MTMR6: variants seen among roughly 807,000 people sequenced by gnomAD.
The protein encoded by MTMR6 is phosphatidylinositol-3,5-bisphosphate 3-phosphatase MTMR6.
MTMR6 carries 47 observed loss-of-function variants against 80.1 expected under a neutral mutation model. That is an observed-to-expected ratio of 0.59 (90% CI 0.46 to 0.75). The LOEUF is 0.75. Ranked by LOEUF, MTMR6 falls within the 30% of genes least tolerant of loss-of-function variation. The pLI, the probability that MTMR6 is intolerant of heterozygous loss-of-function variation, is 0.00. For synonymous variants in MTMR6, 254 were observed against 253.0 expected (o/e 1.00, Z -0.04); for missense variants, 629 against 730.9 (o/e 0.86, Z 1.61).
chr13:25,268,403 C>T (rs142077781), intron 2 of MTMR6, among the ~76,000 whole-genome samples: 9 of 152,286 alleles, frequency 5.9e-5, no homozygotes, highest in African/African-American at 1.7e-4. Flanking sequence ...GTCCCTCTCC[C>T]GATCACTGAC....
intron 5 of MTMR6, among the ~76,000 whole-genome samples, chr13:25,264,225 A>C (rs1957400914): frequency 6.6e-6 from 1 of 151,752 alleles, no homozygotes; most frequent in South Asian, 2.1e-4. Context: ...TCTAAGACAC[A>C]GACTGGAGAT....
At chr13:25,281,930 T>C (rs1287110764) in intron 1 of MTMR6, among the ~76,000 whole-genome samples, 3 of 152,128 alleles carry the variant, frequency 2.0e-5, no homozygotes, top group African/African-American at 7.2e-5. Context: ...GTGGGCACTT[T>C]TCAGTTTTTT....
chr13:25,287,074 G>T, intron 1 of MTMR6, 150 bp downstream of exon 1: 1 of 1,145,310 alleles, frequency 8.7e-7, no homozygotes, highest in Non-Finnish European at 1.2e-6. Flanking sequence ...TGCCCTCCCA[G>T]ACCAGGCCTG....
chr13:25,260,193 A>G (rs1957302592), intron 6 of MTMR6, among the ~76,000 whole-genome samples: 1 of 140,486 alleles, frequency 7.1e-6, no homozygotes, highest in East Asian at 2.1e-4. Context: ...TTTGAGACGG[A>G]GTTTCGCTCT....
In MTMR6 at chr13:25,251,578, C is replaced by A; in HGVS notation, c.1605+71G>T. ...AAGTTTATGTGCTGATTTACACCAA[C>A]AATACAAATATTAGTCTAATCGTAA... On this transcript the variant is annotated intron_variant, in intron 13 of 13. Coordinates refer to ENST00000381801, the MANE Select transcript of MTMR6 (RefSeq NM_004685.5). This position sits in a 1 kb window ranked among gnomAD's most constrained non-coding sequence, Gnocchi z 4.1. 1 of 1,306,392 alleles carries A rather than the reference C, an allele frequency of 7.7e-7. No individual in the cohort carries two copies. Among genetic ancestry groups the A allele is most frequent in the Non-Finnish European group, 1.1e-6 (1 of 949,000 alleles). 80.9% of individuals were successfully genotyped at this position (1,306,392 alleles called of 1,614,324 possible).
At chr13:25,260,905 T>C (rs1957320692) in intron 6 of MTMR6, among the ~76,000 whole-genome samples, 1 of 152,174 alleles carries the variant, frequency 6.6e-6, no homozygotes, top group African/African-American at 2.4e-5. Flanking sequence ...TAGTTCAATG[T>C]TTCCTAAGTT....
chr13:25,285,177 G>A (rs1274385879), intron 1 of MTMR6, among the ~76,000 whole-genome samples: 1 of 152,046 alleles, frequency 6.6e-6, no homozygotes, highest in Admixed American at 6.5e-5. Context: ...AGTCACCAGT[G>A]ACAACTTTCA....
At chr13:25,264,263 CA>C (rs34636887) in intron 5 of MTMR6, among the ~76,000 whole-genome samples, 126,463 of 147,372 alleles carry the variant, frequency 0.86, 54,548 homozygotes, top group East Asian at 0.96. Flanking sequence ...CCAGAAAATC[CA>C]AAAAAAAAAA....
intron 11 of MTMR6, 41 bp from the exon 12 acceptor site, chr13:25,252,025 T>C (rs747363693): frequency 6.4e-7 from 1 of 1,570,102 alleles, no homozygotes; most frequent in South Asian, 1.1e-5. Flanking sequence ...TTCCTATAGA[T>C]GCAAAGTAGT....
At chr13:25,266,741 T>C (rs1180567872) in intron 3 of MTMR6, among the ~76,000 whole-genome samples, 1 of 152,166 alleles carries the variant, frequency 6.6e-6, no homozygotes, top group Non-Finnish European at 1.5e-5. Flanking sequence ...TGCACAGAAC[T>C]CTTGGGGTGC....
Position 25,249,389 on chromosome 13 carries a change from A to C in MTMR6, c.1709T>G (p.Phe570Cys), listed in dbSNP as rs1957039472. ...TACGGGTAGCAGAGTCTGCTCTTTA[A>C]AACACAGGGAAGTTTTGAGGTTAGG... ...ESPNLKTSLC[F>C]KEQTLLPVND... The change falls in exon 14 of 14, where the codon TTT becomes TGT. Residue 570 changes from phenylalanine (F) to cysteine (C), a missense_variant. Phe to Cys is a radical substitution (Grantham distance 205, BLOSUM62 -2). Transcript: ENST00000381801. The C allele has an allele frequency of 6.2e-7, 1 of 1,614,146 alleles. No homozygotes were observed. The highest frequency in any genetic ancestry group is 8.5e-7 in the Non-Finnish European group (1 of 1,179,990).
chr13:25,249,090 T>G lies in MTMR6; in HGVS notation c.*142A>C. The G allele has an allele frequency of 1.3e-6, 1 of 790,890 alleles. No individual in the cohort carries two copies. Among genetic ancestry groups the G allele is most frequent in the Non-Finnish European group, 2.0e-6 (1 of 510,918 alleles). The allele number at this position is 790,890 out of a possible 1,614,324, so 49.0% of individuals were successfully genotyped here. On this transcript the variant is annotated 3_prime_UTR_variant, in exon 14 of 14. Coordinates refer to ENST00000381801, the MANE Select transcript of MTMR6 (RefSeq NM_004685.5). ...TGACTTATTTCTCTCACAAGGGTAG[T>G]TATTATCCTTCCTTCAACTATTAGC...
intron 2 of MTMR6, among the ~76,000 whole-genome samples, chr13:25,270,907 A>G (rs1368634152): frequency 2.6e-5 from 4 of 152,168 alleles, no homozygotes; most frequent in African/African-American, 7.2e-5. Flanking sequence ...TCTTGATTCA[A>G]CTGCTTAGAA....
At chr13:25,266,750 G>A (rs1252302141) in intron 3 of MTMR6, among the ~76,000 whole-genome samples, 1 of 152,182 alleles carries the variant, frequency 6.6e-6, no homozygotes, top group Non-Finnish European at 1.5e-5. Flanking sequence ...CTCTTGGGGT[G>A]CTTCAGAATC....
chr13:25,287,191 C>A, intron 1 of MTMR6, 33 bp downstream of exon 1: 1 of 1,587,696 alleles, frequency 6.3e-7, no homozygotes, highest in South Asian at 1.1e-5. Context: ...CAGAGCAGGG[C>A]CCCTGAAGAC....
intron 1 of MTMR6, among the ~76,000 whole-genome samples, chr13:25,285,126 T>C (rs1244579443): frequency 6.6e-6 from 1 of 152,186 alleles, no homozygotes; most frequent in Non-Finnish European, 1.5e-5. Flanking sequence ...GAAGAAAAGT[T>C]CATCAGTTGG....
At chr13:25,283,669 C>T (rs774084819) in intron 1 of MTMR6, among the ~76,000 whole-genome samples, 3 of 152,180 alleles carry the variant, frequency 2.0e-5, no homozygotes, top group Admixed American at 6.5e-5. Flanking sequence ...TGATTACAAA[C>T]GCTAGCAATC....
intron 5 of MTMR6, among the ~76,000 whole-genome samples, chr13:25,264,774 A>ATGGCATGAACCCGGGAGGCGG (rs1593149247): frequency 7.3e-6 from 1 of 136,524 alleles, no homozygotes; most frequent in African/African-American, 2.5e-5. Flanking sequence ...AAAAAAAAAA[A>ATGGCATGAACCCGGGAGGCGG]AGAAATTTCA....
At chr13:25,276,249 C>A (rs925933440) in intron 1 of MTMR6, among the ~76,000 whole-genome samples, 5 of 152,062 alleles carry the variant, frequency 3.3e-5, no homozygotes, top group Non-Finnish European at 7.4e-5. Context: ...GTTTTTAAGG[C>A]TCTAACAAGA....
Sources: allele counts gnomAD v4.1 joint callset (sites outside exome capture counted in the v4.1 genomes callset), GRCh38; gene constraint gnomAD v4.1.1; non-coding constraint Gnocchi (gnomAD v3.1); transcripts MANE v1.5; gene names NCBI Gene and HGNC (gene_info 2026-07-23, HGNC 2026-07-21).